The following SDK1 variants were observed in gnomAD, a reference collection of about 807,000 sequenced individuals.
The protein encoded by SDK1 is protein sidekick-1.
In SDK1, 157 loss-of-function variants were observed where a neutral mutation model predicts 245.5. The observed-to-expected ratio is 0.64, with a 90% CI of 0.56 to 0.73. The LOEUF is 0.73. SDK1 is among the 30% of genes least tolerant of loss of function. SDK1 has a pLI of 0.00. For synonymous variants in SDK1, 1,647 were observed against 1,278.5 expected (o/e 1.29, Z -6.15); for missense variants, 3,583 against 3,002.3 (o/e 1.19, Z -4.52).
chr7:3,380,811 C>G lies in SDK1; in HGVS notation c.298+78927C>G, dbSNP rs73294270. 9.2e-3 allele frequency among the ~76,000 whole-genome samples: 1,397 copies of G among 152,194 alleles called. 28 individuals carry two copies. The highest frequency in any genetic ancestry group is 0.032 in the African/African-American group (1,314 of 41,526). On this transcript the variant is annotated intron_variant, in intron 1 of 44. Transcript: ENST00000404826. ...GGGAAGGGCCTGCTAGTTGGCTTGT[C>G]CTTTTTATTTTTTATCAGAAAAATA... is the stretch of plus-strand genomic sequence containing the variant.
At chr7:3,904,048 T>C (rs1042465507) in intron 5 of SDK1, among the ~76,000 whole-genome samples, 11 of 152,208 alleles carry the variant, frequency 7.2e-5, no homozygotes, top group South Asian at 2.1e-4. Flanking sequence ...CCATCAGAAT[T>C]GTGAGCCAAC....
At chr7:3,921,757 G>C (rs189463681) in intron 5 of SDK1, among the ~76,000 whole-genome samples, 3 of 152,206 alleles carry the variant, frequency 2.0e-5, no homozygotes, top group Admixed American at 6.5e-5. Context: ...CTTGAGCCCA[G>C]GAGCTCAAGA....
chr7:3,649,900 G>A (rs1340204362), intron 4 of SDK1, among the ~76,000 whole-genome samples: 1 of 151,924 alleles, frequency 6.6e-6, no homozygotes, highest in African/African-American at 2.4e-5. Context: ...AGAGCTTGAT[G>A]TATTTGCTAA....
intron 4 of SDK1, among the ~76,000 whole-genome samples, chr7:3,734,654 C>T (rs528935725): frequency 5.9e-5 from 9 of 152,286 alleles, no homozygotes; most frequent in East Asian, 1.9e-4. Flanking sequence ...AATTAAACCC[C>T]GGTTCTTTTC....
chr7:3,378,946 AC>A (rs555495340), intron 1 of SDK1, among the ~76,000 whole-genome samples: 204 of 151,952 alleles, frequency 1.3e-3, no homozygotes, highest in Non-Finnish European at 2.2e-3. Context: ...CCCGGAGCAG[AC>A]CCCTGAGTCA....
At chr7:4,130,262 A>G (rs1461127852) in intron 27 of SDK1, 165 bp downstream of exon 27, 16 of 708,696 alleles carry the variant, frequency 2.3e-5, no homozygotes, top group Non-Finnish European at 3.4e-5. Flanking sequence ...GAGCACTTAT[A>G]TGGCCAATTT....
At chr7:3,401,533 A>G (rs1364465874) in intron 1 of SDK1, among the ~76,000 whole-genome samples, 1 of 152,162 alleles carries the variant, frequency 6.6e-6, no homozygotes, top group Non-Finnish European at 1.5e-5. Flanking sequence ...CTGGGGGAAA[A>G]TAACAAGACC....
Position 3,967,353 on chromosome 7 carries a change from A to G in SDK1, c.1465A>G (p.Thr489Ala), listed in dbSNP as rs552499179. ...AGTGTTCACCCAGCGGCCAGTGGAC[A>G]CCACAGTTACTGACGGGATGACAGC... ...APVFTQRPVD[T>A]TVTDGMTAIL... is the part of the protein sequence containing the mutation. Residue 489 changes from threonine (T) to alanine (A), a missense_variant, in exon 10 of 45, where the codon ACC becomes GCC. Coordinates refer to ENST00000404826, the MANE Select transcript of SDK1 (RefSeq NM_152744.4). The G allele has an allele frequency of 6.2e-7, 1 of 1,614,154 alleles. No homozygotes were observed. Among genetic ancestry groups the G allele is most frequent in the East Asian group, 2.2e-5 (1 of 44,866 alleles).
chr7:4,067,198 C>G (rs1779961289), intron 19 of SDK1, among the ~76,000 whole-genome samples: 1 of 152,220 alleles, frequency 6.6e-6, no homozygotes, highest in South Asian at 2.1e-4. Context: ...AGGTCTGACA[C>G]CCAGCTTGGA....
chr7:4,244,963 C>T (rs1212083626), intron 43 of SDK1, among the ~76,000 whole-genome samples: 1 of 152,170 alleles, frequency 6.6e-6, no homozygotes, highest in Non-Finnish European at 1.5e-5. Flanking sequence ...ATCTCTGTCT[C>T]CAGTCCGCCA....
chr7:3,726,324 G>C (rs1779006516), intron 4 of SDK1, among the ~76,000 whole-genome samples: 1 of 152,206 alleles, frequency 6.6e-6, no homozygotes, highest in South Asian at 2.1e-4. Flanking sequence ...GAAGAACGAA[G>C]TTAGTGCTTT....
chr7:3,529,749 C>T (rs1783277346), intron 1 of SDK1, among the ~76,000 whole-genome samples: 2 of 152,110 alleles, frequency 1.3e-5, no homozygotes, highest in African/African-American at 4.8e-5. Flanking sequence ...TCCCCCAAAA[C>T]ATGTATTAAT....
At chr7:3,561,653 T>C (rs1485816746) in intron 1 of SDK1, among the ~76,000 whole-genome samples, 1 of 152,178 alleles carries the variant, frequency 6.6e-6, no homozygotes, top group African/African-American at 2.4e-5. Flanking sequence ...TTTAATCTGA[T>C]GACTTATTTT....
intron 4 of SDK1, among the ~76,000 whole-genome samples, chr7:3,789,727 G>C (rs986446661): frequency 3.3e-5 from 5 of 152,176 alleles, no homozygotes; most frequent in African/African-American, 9.7e-5. Flanking sequence ...TGTGAGGTAC[G>C]AGGGAAAAGG....
intron 1 of SDK1, among the ~76,000 whole-genome samples, chr7:3,547,057 C>T (rs1779246844): frequency 6.6e-6 from 1 of 152,032 alleles, no homozygotes; most frequent in Non-Finnish European, 1.5e-5. Context: ...CATAGTTGAC[C>T]AGCACTAGCA....
chr7:3,874,577 C>G (rs1400541721), intron 5 of SDK1, among the ~76,000 whole-genome samples: 1 of 152,162 alleles, frequency 6.6e-6, no homozygotes, highest in African/African-American at 2.4e-5. Flanking sequence ...CGCCTCCCTT[C>G]CAGGGGTAGA....
At chr7:4,101,709 G>A (rs1782562751) in intron 22 of SDK1, among the ~76,000 whole-genome samples, 1 of 152,168 alleles carries the variant, frequency 6.6e-6, no homozygotes, top group Non-Finnish European at 1.5e-5. Flanking sequence ...CTGGGGTGAG[G>A]CTGTCACATG....
Position 3,814,930 on chromosome 7 carries a change from G to A in SDK1, c.714-6520G>A, listed in dbSNP as rs187776963. On this transcript the variant is annotated intron_variant, in intron 4 of 44. Transcript: ENST00000404826. ...CTCTCTGTTTGTATGTTGTTGGTGT[G>A]TAAGAATGCTTGTGATTTTTGTACA... is the stretch of plus-strand genomic sequence containing the variant. Among the ~76,000 whole-genome samples, 44 of 152,188 alleles carry A rather than the reference G, an allele frequency of 2.9e-4. 1 individual carries two copies. In the East Asian group the frequency reaches 8.6e-3, roughly 30 times the overall value.
At chr7:3,628,910 C>A (rs962445758) in intron 2 of SDK1, among the ~76,000 whole-genome samples, 3 of 152,056 alleles carry the variant, frequency 2.0e-5, no homozygotes, top group Non-Finnish European at 4.4e-5. Flanking sequence ...AAAACCCAGG[C>A]AGAACCTAGA....
Sources: gnomAD v4.1 joint callset for allele counts (sites outside exome capture counted in the v4.1 genomes callset) on GRCh38, gnomAD v4.1.1 for gene constraint, MANE v1.5 for transcripts, NCBI Gene and HGNC (gene_info 2026-07-23, HGNC 2026-07-21) for gene names.